NSUN4: variants seen among roughly 807,000 people sequenced by gnomAD.
The protein encoded by NSUN4 is NOP2/Sun RNA methyltransferase 4.
Under a neutral mutation model 43.8 loss-of-function variants are expected in NSUN4, and 31 were observed. That is an observed-to-expected ratio of 0.71 (90% CI 0.53 to 0.96). The LOEUF is 0.96. NSUN4 is among the 40% of genes least tolerant of loss of function. The pLI, the probability that NSUN4 is intolerant of heterozygous loss-of-function variation, is 0.00. For synonymous variants in NSUN4, 167 were observed against 184.1 expected, an observed-to-expected ratio of 0.91 and a Z score of 0.75; for missense variants, 439 against 475.6, an observed-to-expected ratio of 0.92 and a Z score of 0.72.
At chr1:46,343,399 CCT>C (rs1662261799) in intron 1 of NSUN4, 2 of 399,702 alleles carry the variant, frequency 5.0e-6, no homozygotes, top group East Asian at 7.1e-5. Flanking sequence ...TACCCTGTGG[CCT>C]CTCAAGGCCC....
intron 1 of NSUN4, chr1:46,341,296 C>T: frequency 2.0e-6 from 2 of 1,002,016 alleles, no homozygotes; most frequent in Non-Finnish European, 2.4e-6. Flanking sequence ...CCCCACATGA[C>T]TTCTCCTTTC....
chr1:46,341,343 G>T, intron 1 of NSUN4: 1 of 993,710 alleles, frequency 1.0e-6, no homozygotes, highest in South Asian at 4.2e-5. Flanking sequence ...CTCACCCCTC[G>T]GAAAATACCA....
chr1:46,357,357 A>AT (rs1663456627), intron 4 of NSUN4, among the ~76,000 whole-genome samples: 1 of 151,954 alleles, frequency 6.6e-6, no homozygotes, highest in Non-Finnish European at 1.5e-5. Context: ...TTTTTTTGGT[A>AT]TTTTTTGTGG....
intron 1 of NSUN4, chr1:46,343,080 C>T (rs1480831020): frequency 1.0e-5 from 4 of 399,426 alleles, no homozygotes; most frequent in Non-Finnish European, 1.8e-5. Flanking sequence ...TCAGAGCAGC[C>T]GCCATGGACC....
In NSUN4 at chr1:46,361,764, G is replaced by C; in HGVS notation, c.1073G>C (p.Cys358Ser). Residue 358 changes from cysteine to serine, a missense_variant, in exon 6 of 6, where the codon TGT (cysteine) becomes TCT (serine). By Grantham distance (112) the Cys-to-Ser change is moderately radical (BLOSUM62 -1). Transcript: ENST00000474844. ...GACACATTTTGTTTCTTCTCATCCT[G>C]TCAGGTTGGGGAGCTGGTAATACCA... Reference protein sequence around the residue: ...FMDTFCFFSSCQVGELVIPNL... With the variant: ...FMDTFCFFSSSQVGELVIPNL... 6.2e-7 allele frequency: 1 copy of C among 1,614,196 alleles called. No individual in the cohort carries two copies. The highest frequency in any genetic ancestry group is 8.5e-7 in the Non-Finnish European group (1 of 1,180,034).
chr1:46,368,345 C>T (rs960944182), downstream of NSUN4, among the ~76,000 whole-genome samples: 3 of 152,154 alleles, frequency 2.0e-5, no homozygotes, highest in Non-Finnish European at 4.4e-5. Flanking sequence ...TGTTTCCCCA[C>T]CTCTTGAATC....
At chr1:46,348,808 GTTTTTT>G (rs869234807) in intron 3 of NSUN4, among the ~76,000 whole-genome samples, 3,145 of 77,832 alleles carry the variant, frequency 0.04, 176 homozygotes, top group East Asian at 0.34. Context: ...CTTGTGCACT[GTTTTTT>G]TTTTTTTTTT....
At chr1:46,370,349 A>G in the NSUN4 span, among the ~76,000 whole-genome samples, 1 of 152,188 alleles carries the variant, frequency 6.6e-6, no homozygotes, top group Non-Finnish European at 1.5e-5. Context: ...TTTCTGAATT[A>G]TCGCTCACAA....
At chr1:46,357,616 A>G (rs1663479212) in intron 4 of NSUN4, among the ~76,000 whole-genome samples, 1 of 152,182 alleles carries the variant, frequency 6.6e-6, no homozygotes, top group Non-Finnish European at 1.5e-5. Flanking sequence ...CCTTGCAGCC[A>G]TCTTCCTAAA....
chr1:46,359,815 C>T (rs528530621), intron 4 of NSUN4, among the ~76,000 whole-genome samples: 119 of 152,126 alleles, frequency 7.8e-4, no homozygotes, highest in Non-Finnish European at 1.4e-3. Flanking sequence ...CTATGTTTTC[C>T]AGACTGTAAT....
the NSUN4 span, among the ~76,000 whole-genome samples, chr1:46,377,066 T>C: frequency 6.6e-6 from 1 of 151,820 alleles, no homozygotes; most frequent in African/African-American, 2.4e-5. Flanking sequence ...CTTTTTTTTT[T>C]CAAGACAAAG....
intron 3 of NSUN4, among the ~76,000 whole-genome samples, chr1:46,351,381 CT>C (rs1030878656): frequency 6.6e-6 from 1 of 152,090 alleles, no homozygotes; most frequent in Non-Finnish European, 1.5e-5. Flanking sequence ...GAAATGTAGT[CT>C]TTTGGGGCAA....
At position 46,345,112 on chromosome 1, in the gene NSUN4, CAG is replaced by C; in HGVS notation, c.408_409del (p.Asp138TyrfsTer41). ...CGAACCTTCGATGCTTCACTTTTGA[CAG>C]AGGGGATATCAGTCGCTTCCCTCCT... ...SPNLRCFTFDRGDISRFPPAR... is the reference protein window; with the variant it reads ...SPNLRCFTFDXGDISRFPPAR... On this transcript the variant is annotated frameshift_variant, in exon 2 of 6. Transcript: ENST00000474844. LOFTEE classifies it high-confidence loss of function. 2 of 1,612,726 alleles carry C rather than the reference CAG, an allele frequency of 1.2e-6. No homozygotes were observed. The highest frequency in any genetic ancestry group is 1.7e-6 in the Non-Finnish European group (2 of 1,179,438).
chr1:46,360,860 G>T (rs747236598), intron 5 of NSUN4, 32 bp downstream of exon 5: 116 of 1,611,018 alleles, frequency 7.2e-5, no homozygotes, highest in Non-Finnish European at 9.3e-5. Context: ...TCAGGACTTT[G>T]TGCCAGAGTG....
chr1:46,341,033 G>C, intron 1 of NSUN4, 114 bp downstream of exon 1: 1 of 1,136,538 alleles, frequency 8.8e-7, no homozygotes, highest in Non-Finnish European at 1.2e-6. Context: ...TCCACGGAAC[G>C]TCCTTAGGCA....
At chr1:46,382,382 G>A in the NSUN4 span, among the ~76,000 whole-genome samples, 3 of 152,094 alleles carry the variant, frequency 2.0e-5, no homozygotes, top group African/African-American at 7.2e-5. Context: ...AAACTTTTAC[G>A]ACCCATTCCC....
rs1005531853 is a variant in NSUN4, at chr1:46,353,176, C to A, written c.753+148C>A. On this transcript the variant is annotated intron_variant, in intron 4 of 5. Coordinates refer to ENST00000474844, the MANE Select transcript of NSUN4 (RefSeq NM_199044.4). The stretch of plus-strand genomic sequence containing the variant: ...GCCAGTTCTACATTGGTGATTTGAC[C>A]AAAAGAAAAATCAGCTTAGATGACT... The A allele has an allele frequency of 4.8e-6, 3 of 627,684 alleles. No homozygotes were observed. The African/African-American group carries it at 5.5e-5, about 12-fold the overall frequency. 38.9% of individuals were successfully genotyped at this position (627,684 alleles called of 1,614,324 possible). A position where few individuals can be genotyped will look rare whatever the true frequency, so the allele number is the denominator to read the frequency against.
At chr1:46,378,034 A>G in the NSUN4 span, among the ~76,000 whole-genome samples, 3 of 152,142 alleles carry the variant, frequency 2.0e-5, no homozygotes, top group Non-Finnish European at 1.5e-5. Flanking sequence ...GTAGGTGTCC[A>G]TGTTACAGAG....
At chr1:46,344,379 A>G (rs535105124) in intron 1 of NSUN4, 4 of 174,530 alleles carry the variant, frequency 2.3e-5, no homozygotes, top group South Asian at 1.8e-4. Flanking sequence ...TAGTGCTCAC[A>G]TAAGCTAGTA....
Sources: allele counts gnomAD v4.1 joint callset (sites outside exome capture counted in the v4.1 genomes callset), GRCh38; gene constraint gnomAD v4.1.1; transcripts MANE v1.5; gene names NCBI Gene and HGNC (gene_info 2026-07-23, HGNC 2026-07-21).